Variants in CRTAC1 observed in about 807,000 individuals in gnomAD.
CRTAC1 encodes acidic secreted protein in cartilage.
In CRTAC1, 37 loss-of-function variants were observed where a neutral mutation model predicts 67.8. That is an observed-to-expected ratio of 0.55 (90% CI 0.42 to 0.72). The LOEUF (loss-of-function observed/expected upper bound fraction) is 0.72, where lower values mean the gene tolerates loss of function less well. Among genes scored for constraint, CRTAC1 ranks in the 30% least tolerant of loss-of-function variants. CRTAC1 has a pLI of 0.00. For synonymous variants in CRTAC1, 348 were observed against 371.0 expected (o/e 0.94, Z 0.71); for missense variants, 780 against 931.6 (o/e 0.84, Z 2.12).
At chr10:97,971,255 TA>T (rs529925868) in intron 2 of CRTAC1, among the ~76,000 whole-genome samples, 11 of 152,350 alleles carry the variant, frequency 7.2e-5, no homozygotes, top group African/African-American at 2.6e-4. Context: ...GATAAAAGCT[TA>T]TGCACCCCAA....
At chr10:97,964,624 CT>C (rs2051584864) in intron 2 of CRTAC1, among the ~76,000 whole-genome samples, 1 of 152,192 alleles carries the variant, frequency 6.6e-6, no homozygotes, top group African/African-American at 2.4e-5. Flanking sequence ...GACTTATTGA[CT>C]TTGGGAAGGC....
intron 2 of CRTAC1, among the ~76,000 whole-genome samples, chr10:97,973,416 T>G (rs2051746940): frequency 6.6e-6 from 1 of 150,542 alleles, no homozygotes; most frequent in Non-Finnish European, 1.5e-5. Context: ...TGCCTAGTGA[T>G]TTCCTACTTA....
At chr10:97,944,847 G>A (rs1393561868) in intron 2 of CRTAC1, among the ~76,000 whole-genome samples, 1 of 152,184 alleles carries the variant, frequency 6.6e-6, no homozygotes, top group Non-Finnish European at 1.5e-5. Context: ...GCCCTATGGA[G>A]AGGCCATGTG....
At chr10:98,003,780 T>C (rs1426824091) in intron 2 of CRTAC1, among the ~76,000 whole-genome samples, 2 of 152,182 alleles carry the variant, frequency 1.3e-5, no homozygotes, top group Non-Finnish European at 2.9e-5. Flanking sequence ...TCTGTGTGTA[T>C]GTGTGCATGT....
chr10:97,994,879 G>A (rs1366252702), intron 2 of CRTAC1, among the ~76,000 whole-genome samples: 3 of 152,128 alleles, frequency 2.0e-5, no homozygotes, highest in African/African-American at 2.4e-5. Flanking sequence ...GAGCAGATCC[G>A]GCCACCTTAT....
At chr10:97,996,656 C>T (rs1842577052) in intron 2 of CRTAC1, among the ~76,000 whole-genome samples, 1 of 152,166 alleles carries the variant, frequency 6.6e-6, no homozygotes, top group African/African-American at 2.4e-5. Flanking sequence ...CTAGTTCAAC[C>T]ATTGTGGAAG....
At chr10:97,981,621 T>C (rs958292038) in intron 2 of CRTAC1, among the ~76,000 whole-genome samples, 3 of 152,230 alleles carry the variant, frequency 2.0e-5, no homozygotes, top group African/African-American at 7.2e-5. Flanking sequence ...TCTGACCTTA[T>C]ATTTCTGATT....
At chr10:98,016,954 C>T (rs966594409) in intron 1 of CRTAC1, among the ~76,000 whole-genome samples, 31 of 152,124 alleles carry the variant, frequency 2.0e-4, no homozygotes, top group African/African-American at 7.2e-4. Flanking sequence ...AGCTGGCACC[C>T]GGAGTGACCT....
At chr10:97,879,741 G>T (rs1198327424) in intron 14 of CRTAC1, 3 of 1,550,026 alleles carry the variant, frequency 1.9e-6, no homozygotes, top group Non-Finnish European at 2.6e-6. Flanking sequence ...TGAGGCCCGA[G>T]AGAGAGGCTC....
At chr10:98,005,100 A>ATATTGTTTTTT in intron 2 of CRTAC1, among the ~76,000 whole-genome samples, 1 of 48,926 alleles carries the variant, frequency 2.0e-5, no homozygotes, top group East Asian at 4.5e-4. Context: ...ATATATATAT[A>ATATTGTTTTTT]TTTTTTTTTT....
intron 13 of CRTAC1, 115 bp downstream of exon 13, chr10:97,882,671 C>A: frequency 9.3e-7 from 1 of 1,070,070 alleles, no homozygotes; most frequent in South Asian, 1.4e-5. Context: ...AACACCCTCC[C>A]CTGTCCTCCT....
rs1843316383 is a variant in CRTAC1, at chr10:98,029,493, C to CGGT, written c.24+955_24+956insACC. 7.7e-6 allele frequency among the ~76,000 whole-genome samples: 1 copy of CGGT among 130,382 alleles called. No individual in the cohort carries two copies. Among genetic ancestry groups the CGGT allele is most frequent in the Non-Finnish European group, 1.6e-5 (1 of 62,532 alleles). 85.5% of individuals were successfully genotyped at this position (130,382 alleles called of 152,430 possible). On this transcript the variant is annotated intron_variant, in intron 1 of 14. Coordinates refer to ENST00000370597, the MANE Select transcript of CRTAC1 (RefSeq NM_018058.7). The surrounding 1 kb of genome is among the most constrained non-coding windows in gnomAD (Gnocchi z 4.7). ...TGGGTGCACCCACCAGCAGCAGCAG[C>CGGT]GGCGGCGGCGGCGGCGGCGGCGGCG...
chr10:97,898,165 T>C (rs611527), intron 8 of CRTAC1, among the ~76,000 whole-genome samples: 58,136 of 152,108 alleles, frequency 0.38, 11,670 homozygotes, highest in African/African-American at 0.51. Flanking sequence ...AATTCCACTG[T>C]ATTTCTGTGT....
intron 1 of CRTAC1, among the ~76,000 whole-genome samples, chr10:98,025,826 TA>T (rs111311357): frequency 4.6e-5 from 7 of 152,292 alleles, no homozygotes; most frequent in African/African-American, 1.7e-4. Flanking sequence ...GATCCTTCCT[TA>T]GGAATCAATA....
intron 2 of CRTAC1, among the ~76,000 whole-genome samples, chr10:98,002,618 GAGATCTTTCAA>G (rs1842711073): frequency 6.6e-6 from 1 of 151,984 alleles, no homozygotes; most frequent in Non-Finnish European, 1.5e-5. Context: ...CAAAGACAGT[GAGATCTTTCAA>G]AGCTCCGAAT....
chr10:97,884,498 T>G, intron 11 of CRTAC1, 147 bp from the exon 12 acceptor site: 1 of 735,800 alleles, frequency 1.4e-6, no homozygotes, highest in South Asian at 1.8e-5. Flanking sequence ...CAAGACAGAT[T>G]TGAGGTCCCT....
intron 1 of CRTAC1, among the ~76,000 whole-genome samples, chr10:98,014,809 G>A (rs905456514): frequency 6.6e-6 from 1 of 152,204 alleles, no homozygotes; most frequent in African/African-American, 2.4e-5. Flanking sequence ...AAGTGTTGGT[G>A]AGGATGTAGA....
At chr10:97,979,885 T>A (rs544888339) in intron 2 of CRTAC1, among the ~76,000 whole-genome samples, 5 of 152,118 alleles carry the variant, frequency 3.3e-5, no homozygotes, top group Non-Finnish European at 7.4e-5. Context: ...TGCCTGATGA[T>A]AAAAATAACG....
chr10:97,920,975 T>C (rs1471160391), intron 4 of CRTAC1, among the ~76,000 whole-genome samples: 1 of 152,016 alleles, frequency 6.6e-6, no homozygotes, highest in Non-Finnish European at 1.5e-5. Flanking sequence ...GTTCCGGGTT[T>C]GGAGCAGAGA....
Sources: allele counts gnomAD v4.1 joint callset (sites outside exome capture counted in the v4.1 genomes callset), GRCh38; gene constraint gnomAD v4.1.1; non-coding constraint Gnocchi (gnomAD v3.1); transcripts MANE v1.5; gene names NCBI Gene and HGNC (gene_info 2026-07-23, HGNC 2026-07-21).